Variants in USH2A observed in about 807,000 individuals in gnomAD.
USH2A encodes the protein Usher syndrome 2A (autosomal recessive, mild).
A neutral mutation model predicts 538.9 loss-of-function variants in USH2A; 443 were observed. The observed-to-expected ratio is 0.82, with a 90% CI of 0.76 to 0.89. USH2A has a LOEUF of 0.89. USH2A is among the 40% of genes least tolerant of loss of function. The pLI, the probability that USH2A is intolerant of heterozygous loss-of-function variation, is 0.00. For synonymous variants in USH2A, 2,413 were observed against 2,273.5 expected (o/e 1.06, Z -1.75); for missense variants, 6,633 against 6,324.8 (o/e 1.05, Z -1.65).
At chr1:216,187,566 A>G (rs2034635129) in intron 20 of USH2A, among the ~76,000 whole-genome samples, 1 of 151,892 alleles carries the variant, frequency 6.6e-6, no homozygotes, top group South Asian at 2.1e-4. Flanking sequence ...TCACAATACA[A>G]TCCTTAGTTT....
chr1:216,305,902 T>C (rs927207009), intron 9 of USH2A, among the ~76,000 whole-genome samples: 3 of 152,220 alleles, frequency 2.0e-5, no homozygotes, highest in Non-Finnish European at 4.4e-5. Flanking sequence ...CAGGTTTTCC[T>C]TCATAGGTTA....
In USH2A at chr1:215,743,238, G is replaced by A. The variant is rs2102727440; in HGVS notation, c.11487C>T (p.Thr3829=). Residue 3829 remains threonine (T), a synonymous_variant, in exon 59 of 72, where the codon ACC becomes ACT. Coordinates refer to ENST00000307340, the MANE Select transcript of USH2A (RefSeq NM_206933.4). The part of the protein sequence containing the change: ...LAFSVGHHQS[T]LLENLTPFTQ... ...TGAATGGAGTCAAATTTTCCAGAAGGGTGGATTGATGATGACCAACGGAGA... is the reference window on the plus strand; with the variant it reads ...TGAATGGAGTCAAATTTTCCAGAAGAGTGGATTGATGATGACCAACGGAGA... The A allele has an allele frequency of 6.2e-7, 1 of 1,612,338 alleles. No homozygotes were observed. Among genetic ancestry groups the A allele is most frequent in the Non-Finnish European group, 8.5e-7 (1 of 1,179,454 alleles).
At chr1:215,936,370 T>A (rs936405225) in intron 37 of USH2A, among the ~76,000 whole-genome samples, 1 of 152,088 alleles carries the variant, frequency 6.6e-6, no homozygotes, top group Non-Finnish European at 1.5e-5. Flanking sequence ...CAAAGTATAG[T>A]GCAAAGGAAA....
chr1:215,640,436 G>T, intron 68 of USH2A, 122 bp downstream of exon 68: 1 of 1,280,078 alleles, frequency 7.8e-7, no homozygotes, highest in East Asian at 2.4e-5. Flanking sequence ...TCACAAGAAG[G>T]GGGCACTTAA....
rs1279542958 is a variant in USH2A, at chr1:215,900,619, C to CT, written c.7451+135dup. On this transcript the variant is annotated intron_variant, in intron 39 of 71. Transcript: ENST00000307340. ...TTTTTGCAAAGCAAATGATTATCCT[C>CT]TAATTGTTTGGGGTTTTTTTGTACT... The CT allele has an allele frequency of 2.3e-5, 27 of 1,159,370 alleles. No individual in the cohort carries two copies. The Admixed American group carries it at 5.6e-4, about 24-fold the overall frequency. 71.8% of individuals were successfully genotyped at this position (1,159,370 alleles called of 1,614,324 possible). A position where few individuals can be genotyped will look rare whatever the true frequency, so the allele number is the denominator to read the frequency against.
intron 38 of USH2A, among the ~76,000 whole-genome samples, chr1:215,925,191 C>T (rs149676928): frequency 0.01 from 1,553 of 152,126 alleles, 17 homozygotes; most frequent in Non-Finnish European, 0.017. Flanking sequence ...GTAAAGGTAA[C>T]ACTTTTCAGG....
At chr1:216,378,272 G>A (rs2669052) in intron 3 of USH2A, among the ~76,000 whole-genome samples, 116,793 of 152,118 alleles carry the variant, frequency 0.77, 45,267 homozygotes, top group African/African-American at 0.87. Context: ...AAAGTGTAAC[G>A]CTCATTTTCT....
At chr1:215,827,571 A>G (rs976964858) in intron 47 of USH2A, among the ~76,000 whole-genome samples, 3 of 152,172 alleles carry the variant, frequency 2.0e-5, no homozygotes, top group African/African-American at 7.2e-5. Flanking sequence ...GAATGTGATA[A>G]TCAGAACTCA....
intron 20 of USH2A, among the ~76,000 whole-genome samples, chr1:216,188,955 T>C (rs2034662583): frequency 6.6e-6 from 1 of 151,894 alleles, no homozygotes; most frequent in African/African-American, 2.4e-5. Flanking sequence ...TAGTCTGAAA[T>C]TGTATCATTT....
intron 32 of USH2A, among the ~76,000 whole-genome samples, chr1:216,028,126 G>A (rs1485458368): frequency 1.3e-5 from 2 of 152,228 alleles, no homozygotes; most frequent in South Asian, 4.1e-4. Context: ...AGTGGCTCAT[G>A]CCTGTAATCT....
chr1:215,923,646 C>T (rs936955837), intron 38 of USH2A, among the ~76,000 whole-genome samples: 1 of 151,984 alleles, frequency 6.6e-6, no homozygotes, highest in Non-Finnish European at 1.5e-5. Context: ...CTTGAAAGAG[C>T]CCAGGGTGCT....
intron 70 of USH2A, among the ~76,000 whole-genome samples, chr1:215,629,813 TC>T: frequency 6.7e-6 from 1 of 150,068 alleles, no homozygotes; most frequent in South Asian, 2.1e-4. Context: ...TTTTGCTCTT[TC>T]GCCCAGGCTG....
intron 46 of USH2A, among the ~76,000 whole-genome samples, chr1:215,840,990 T>A (rs1218286540): frequency 6.6e-6 from 1 of 152,028 alleles, no homozygotes; most frequent in Admixed American, 6.6e-5. Context: ...ACAACTCAGG[T>A]AGGCTATGGG....
intron 50 of USH2A, among the ~76,000 whole-genome samples, chr1:215,797,531 T>G (rs1390646479): frequency 6.6e-6 from 1 of 152,110 alleles, no homozygotes; most frequent in Non-Finnish European, 1.5e-5. Context: ...CTGGTGACTT[T>G]AAGTGGAAGC....
intron 61 of USH2A, among the ~76,000 whole-genome samples, chr1:215,716,880 T>C (rs913539967): frequency 6.6e-6 from 1 of 152,208 alleles, no homozygotes. Context: ...TGGTCAGATT[T>C]TGTTACTCTT....
intron 3 of USH2A, among the ~76,000 whole-genome samples, chr1:216,398,630 T>C (rs2039257703): frequency 6.6e-6 from 1 of 152,030 alleles, no homozygotes. Flanking sequence ...ATCAGGGAGC[T>C]AATCTTTCAC....
chr1:215,851,539 T>G (rs1400466252), intron 44 of USH2A, among the ~76,000 whole-genome samples: 2 of 152,088 alleles, frequency 1.3e-5, no homozygotes, highest in African/African-American at 4.8e-5. Flanking sequence ...GAGATTGAAA[T>G]GGTAATTATA....
chr1:215,685,461 G>A (rs941588541), intron 61 of USH2A, among the ~76,000 whole-genome samples: 8 of 151,460 alleles, frequency 5.3e-5, no homozygotes, highest in African/African-American at 1.9e-4. Context: ...GGGTTCGAGC[G>A]ATTCTCATGC....
At chr1:215,665,041 C>T (rs970046159) in intron 64 of USH2A, among the ~76,000 whole-genome samples, 8 of 152,174 alleles carry the variant, frequency 5.3e-5, no homozygotes, top group Non-Finnish European at 1.2e-4. Context: ...GCCTTTCTCC[C>T]TCCCACTTCT....
Sources: gnomAD v4.1 joint callset for allele counts (sites outside exome capture counted in the v4.1 genomes callset) on GRCh38, gnomAD v4.1.1 for gene constraint, MANE v1.5 for transcripts, NCBI Gene and HGNC (gene_info 2026-07-23, HGNC 2026-07-21) for gene names.